Variants in LRP1B observed in about 807,000 individuals in gnomAD.
LRP1B encodes LDL receptor related protein 1B, also known as low-density lipoprotein receptor-related protein 1B.
LRP1B carries 217 observed loss-of-function variants against 556.6 expected under a neutral mutation model. The observed-to-expected ratio is 0.39, with a 90% CI of 0.35 to 0.44. The LOEUF is 0.44. Ranked by LOEUF, LRP1B falls within the 20% of genes least tolerant of loss-of-function variation. The pLI is 1.00. For synonymous variants in LRP1B, 2,047 were observed against 1,865.8 expected, an observed-to-expected ratio of 1.10 and a Z score of -2.50; for missense variants, 5,053 against 5,620.8, an observed-to-expected ratio of 0.90 and a Z score of 3.23.
At chr2:140,245,444 A>G (rs961343434) in intron 87 of LRP1B, among the ~76,000 whole-genome samples, 45 of 151,454 alleles carry the variant, frequency 3.0e-4, no homozygotes, top group African/African-American at 1.0e-3. Flanking sequence ...AGAGTTTTAA[A>G]AAATTTTTTA....
chr2:141,398,613 C>T (rs1286340703), intron 3 of LRP1B, among the ~76,000 whole-genome samples: 1 of 152,144 alleles, frequency 6.6e-6, no homozygotes, highest in African/African-American at 2.4e-5. Context: ...TAACATGAGA[C>T]TCTGGAGAGA....
chr2:140,291,552 C>A (rs1415651084), intron 84 of LRP1B, among the ~76,000 whole-genome samples: 1 of 151,498 alleles, frequency 6.6e-6, no homozygotes, highest in Non-Finnish European at 1.5e-5. Flanking sequence ...TGACTGAGAA[C>A]ATGCAGCGTT....
At chr2:141,876,251 T>C (rs1698755249) in intron 1 of LRP1B, among the ~76,000 whole-genome samples, 1 of 151,996 alleles carries the variant, frequency 6.6e-6, no homozygotes, top group South Asian at 2.1e-4. Flanking sequence ...TTATAGGTCA[T>C]TTCCAAATAT....
intron 2 of LRP1B, among the ~76,000 whole-genome samples, chr2:141,566,750 C>T (rs1686345045): frequency 6.6e-6 from 1 of 151,872 alleles, no homozygotes; most frequent in Non-Finnish European, 1.5e-5. Context: ...TTCCAGTTAC[C>T]CTGGAGGCTG....
intron 27 of LRP1B, among the ~76,000 whole-genome samples, chr2:140,861,315 G>A (rs1337213204): frequency 6.6e-6 from 1 of 152,220 alleles, no homozygotes; most frequent in Non-Finnish European, 1.5e-5. Context: ...GCAGAGGCTG[G>A]AGAATCGCTT....
intron 7 of LRP1B, among the ~76,000 whole-genome samples, chr2:141,098,597 T>C (rs536193548): frequency 6.6e-6 from 1 of 152,218 alleles, no homozygotes; most frequent in Non-Finnish European, 1.5e-5. Context: ...AGTTCAGTGG[T>C]CTATGATGAT....
At chr2:140,866,293 G>A (rs189441987) in intron 27 of LRP1B, among the ~76,000 whole-genome samples, 13 of 152,074 alleles carry the variant, frequency 8.5e-5, no homozygotes, top group East Asian at 5.8e-4. Flanking sequence ...CTAGAGAAGC[G>A]TATTTTTTCA....
At chr2:141,247,987 C>T (rs554828841) in intron 4 of LRP1B, among the ~76,000 whole-genome samples, 8 of 152,200 alleles carry the variant, frequency 5.3e-5, no homozygotes, top group Non-Finnish European at 4.4e-5. Flanking sequence ...GTGGGTGAAT[C>T]ACCTGAGGCC....
chr2:141,610,020 T>C (rs1688050817), intron 2 of LRP1B, among the ~76,000 whole-genome samples: 1 of 152,206 alleles, frequency 6.6e-6, no homozygotes, highest in Non-Finnish European at 1.5e-5. Flanking sequence ...GACAGATCAT[T>C]CGAATTCTAT....
At chr2:140,429,175 G>A (rs529627871) in intron 66 of LRP1B, among the ~76,000 whole-genome samples, 2 of 152,112 alleles carry the variant, frequency 1.3e-5, no homozygotes, top group South Asian at 2.1e-4. Flanking sequence ...GTTATCACTC[G>A]CCTGCTACAG....
chr2:141,723,756 A>T (rs965214323), intron 2 of LRP1B, among the ~76,000 whole-genome samples: 1 of 151,900 alleles, frequency 6.6e-6, no homozygotes, highest in Non-Finnish European at 1.5e-5. Context: ...CTGCATTTTT[A>T]AAAATAATTA....
At chr2:140,829,110 C>A (rs1691627641) in intron 31 of LRP1B, among the ~76,000 whole-genome samples, 2 of 151,860 alleles carry the variant, frequency 1.3e-5, no homozygotes, top group African/African-American at 4.8e-5. Context: ...CATCCAACAC[C>A]AAGGCACCGA....
intron 1 of LRP1B, among the ~76,000 whole-genome samples, chr2:142,001,678 T>C (rs1298036939): frequency 6.6e-6 from 1 of 152,214 alleles, no homozygotes; most frequent in African/African-American, 2.4e-5. Context: ...TATTAAATGT[T>C]GATGTTTTCA....
At chr2:141,931,029 C>A (rs1312209507) in intron 1 of LRP1B, among the ~76,000 whole-genome samples, 1 of 151,892 alleles carries the variant, frequency 6.6e-6, no homozygotes, top group African/African-American at 2.4e-5. Context: ...CTTACATGAC[C>A]AATACACATG....
chr2:141,122,533 A>G (rs910846521), intron 7 of LRP1B, among the ~76,000 whole-genome samples: 22 of 152,178 alleles, frequency 1.4e-4, no homozygotes, highest in African/African-American at 5.3e-4. Flanking sequence ...AGAAATGCAA[A>G]TCAAAACCAC....
intron 41 of LRP1B, among the ~76,000 whole-genome samples, chr2:140,693,645 T>G (rs187430223): frequency 2.0e-5 from 3 of 152,248 alleles, no homozygotes; most frequent in Admixed American, 1.3e-4. Context: ...TAATGTTTTG[T>G]GAATACTTTG....
At chr2:141,929,418 T>C (rs750656749) in intron 1 of LRP1B, among the ~76,000 whole-genome samples, 3 of 152,050 alleles carry the variant, frequency 2.0e-5, no homozygotes, top group Non-Finnish European at 4.4e-5. Flanking sequence ...GATGTTACAG[T>C]GGAGAAGTCA....
At position 140,492,638 on chromosome 2, in the gene LRP1B, A is replaced by G. The variant is rs1688750876; in HGVS notation, c.9090T>C (p.Thr3030=). The stretch of plus-strand genomic sequence containing the variant: ...TTAAAAGTGTGTAGTTGGAGCCATC[A>G]GTGCTAATTTTCCTTATCTCATGAT... ...ADHHEIRKIS[T]DGSNYTLLKQ... Residue 3030 remains threonine, a synonymous_variant, in exon 57 of 91, where the codon ACT becomes ACC. Transcript: ENST00000389484. The G allele has an allele frequency of 1.2e-6, 2 of 1,613,704 alleles. No individual in the cohort carries two copies. The highest frequency in any genetic ancestry group is 1.7e-6 in the Non-Finnish European group (2 of 1,179,662).
chr2:140,942,123 G>C (rs561342447), intron 20 of LRP1B, among the ~76,000 whole-genome samples: 1 of 152,234 alleles, frequency 6.6e-6, no homozygotes, highest in South Asian at 2.1e-4. Flanking sequence ...ATTGAAAAAT[G>C]TATGACAGGA....
Sources: allele counts gnomAD v4.1 joint callset (sites outside exome capture counted in the v4.1 genomes callset), GRCh38; gene constraint gnomAD v4.1.1; transcripts MANE v1.5; gene names NCBI Gene and HGNC (gene_info 2026-07-23, HGNC 2026-07-21).